Variants in TMEM242 observed in about 807,000 individuals in gnomAD.
TMEM242 encodes UPF0463 transmembrane protein C6orf35.
In TMEM242, 10 loss-of-function variants were observed where a neutral mutation model predicts 18.2. The observed-to-expected ratio is 0.55, with a 90% confidence interval of 0.34 to 0.93. The LOEUF (loss-of-function observed/expected upper bound fraction) is 0.93. TMEM242 is among the 40% of genes least tolerant of loss of function. The pLI, the probability that TMEM242 is intolerant of heterozygous loss-of-function variation, is 0.02. For synonymous variants in TMEM242, 57 were observed against 69.9 expected (o/e 0.81, Z 0.92); for missense variants, 186 against 175.5 (o/e 1.06, Z -0.34).
chr6:157,313,403 A>AGTGTCC (rs1778270570), intron 3 of TMEM242, among the ~76,000 whole-genome samples: 1 of 2,896 alleles, frequency 3.5e-4, no homozygotes, highest in African/African-American at 1.6e-3. Context: ...GGGCCTTATT[A>AGTGTCC]CAGTGTCCAG....
intron 3 of TMEM242, among the ~76,000 whole-genome samples, chr6:157,313,326 G>T (rs200507887): frequency 1.2e-3 from 9 of 7,630 alleles, no homozygotes; most frequent in African/African-American, 1.9e-3. Flanking sequence ...GCGCTCACCT[G>T]GCCTCATCAT....
At chr6:157,318,540 G>C (rs1449193817) in intron 3 of TMEM242, 2 of 517,408 alleles carry the variant, frequency 3.9e-6, no homozygotes, top group Admixed American at 3.8e-5. Context: ...AATTTATATA[G>C]AACATTAGCT....
chr6:157,312,560 C>G (rs1583569351), intron 3 of TMEM242, among the ~76,000 whole-genome samples: 1 of 150,646 alleles, frequency 6.6e-6, no homozygotes, highest in African/African-American at 2.4e-5. Flanking sequence ...ATCATAGTGC[C>G]CCAGTGTACG....
intron 3 of TMEM242, chr6:157,299,958 C>T (rs1777804544): frequency 1.3e-6 from 2 of 1,568,934 alleles, no homozygotes; most frequent in Non-Finnish European, 8.8e-7. Flanking sequence ...CTGTGATGAG[C>T]GGGCTCCTCG....
chr6:157,319,223 A>T (rs1428955523), intron 2 of TMEM242, among the ~76,000 whole-genome samples: 2 of 152,154 alleles, frequency 1.3e-5, no homozygotes, highest in Admixed American at 1.3e-4. Context: ...TATTAAAATA[A>T]CTCAGTTATT....
At chr6:157,313,863 TC>T (rs1778310952) in intron 3 of TMEM242, among the ~76,000 whole-genome samples, 1 of 149,982 alleles carries the variant, frequency 6.7e-6, no homozygotes, top group Non-Finnish European at 1.5e-5. Context: ...CAGTGTGCAC[TC>T]CCCTAGCCTC....
chr6:157,293,597 G>A lies in TMEM242; in HGVS notation c.328-598C>T, dbSNP rs144241056. Among the ~76,000 whole-genome samples the A allele has an allele frequency of 1.6e-4, 25 of 151,622 alleles. No homozygotes were observed. The East Asian group carries it at 4.3e-3, about 26-fold the overall frequency. The stretch of plus-strand genomic sequence containing the variant: ...CAGACAGAAGAAACTTAGGAGTTTC[G>A]TCAAGAATAAATCAAGGAATGGTAG... On this transcript the variant is annotated intron_variant, in intron 3 of 3. Coordinates refer to ENST00000400788, the MANE Select transcript of TMEM242 (RefSeq NM_018452.6).
intron 2 of TMEM242, among the ~76,000 whole-genome samples, chr6:157,321,114 T>A (rs1156942279): frequency 6.6e-6 from 1 of 150,716 alleles, no homozygotes; most frequent in Non-Finnish European, 1.5e-5. Context: ...GTTCACGCCA[T>A]TCTCCTGCCT....
intron 3 of TMEM242, among the ~76,000 whole-genome samples, chr6:157,295,785 G>A (rs1376857565): frequency 6.6e-6 from 1 of 152,174 alleles, no homozygotes; most frequent in Non-Finnish European, 1.5e-5. Flanking sequence ...GGCCTGAGAT[G>A]AGGGAAAGGA....
intron 3 of TMEM242, among the ~76,000 whole-genome samples, chr6:157,313,654 T>TCC: frequency 6.6e-6 from 1 of 151,344 alleles, no homozygotes; most frequent in African/African-American, 2.4e-5. Flanking sequence ...TGTCCCAGTG[T>TCC]GCATTCACCT....
Position 157,289,773 on chromosome 6 carries a change from T to A in TMEM242, c.*3128A>T, listed in dbSNP as rs189691626. On this transcript the variant is annotated 3_prime_UTR_variant, in exon 4 of 4. Coordinates refer to ENST00000400788, the MANE Select transcript of TMEM242 (RefSeq NM_018452.6). ...TGCAAGTTTGGTCCCATACTATCCATGAAACTAAACAAAACATGTGACAGC... is the reference window on the plus strand; with the variant it reads ...TGCAAGTTTGGTCCCATACTATCCAAGAAACTAAACAAAACATGTGACAGC... The A allele has an allele frequency of 6.9e-6, 1 of 144,504 alleles. No individual in the cohort carries two copies. Among genetic ancestry groups the A allele is most frequent in the African/African-American group, 2.5e-5 (1 of 40,068 alleles). 9.0% of individuals were successfully genotyped at this position (144,504 alleles called of 1,614,324 possible). A position where few individuals can be genotyped will look rare whatever the true frequency, so the allele number is the denominator to read the frequency against.
chr6:157,310,337 G>A (rs938285484), intron 3 of TMEM242, among the ~76,000 whole-genome samples: 15 of 5,610 alleles, frequency 2.7e-3, no homozygotes, highest in African/African-American at 8.8e-3. Context: ...TAAACTATCT[G>A]TCTTGATAAA....
At chr6:157,295,147 T>C (rs1177201586) in intron 3 of TMEM242, among the ~76,000 whole-genome samples, 1 of 152,270 alleles carries the variant, frequency 6.6e-6, no homozygotes, top group Admixed American at 6.5e-5. Context: ...TTAGTTTACA[T>C]ATTCTGTCAC....
chr6:157,312,806 G>A (rs1193494217), intron 3 of TMEM242, among the ~76,000 whole-genome samples: 1 of 86,060 alleles, frequency 1.2e-5, no homozygotes, highest in Non-Finnish European at 2.4e-5. Flanking sequence ...GCCCCAGTGT[G>A]AACTCAACTA....
At chr6:157,319,043 G>A in intron 2 of TMEM242, 124 bp from the exon 3 acceptor site, 1 of 994,298 alleles carries the variant, frequency 1.0e-6, no homozygotes, top group Non-Finnish European at 1.4e-6. Context: ...TCAACCCAAG[G>A]TCTAATTCTG....
intron 3 of TMEM242, among the ~76,000 whole-genome samples, chr6:157,312,106 CT>C (rs1778154950): frequency 5.1e-5 from 5 of 98,616 alleles, no homozygotes; most frequent in Non-Finnish European, 8.2e-5. Context: ...GTCCCCTCAC[CT>C]AGCCTCATCA....
At chr6:157,310,644 G>A (rs1554248368) in intron 3 of TMEM242, among the ~76,000 whole-genome samples, 2 of 152,072 alleles carry the variant, frequency 1.3e-5, no homozygotes, top group African/African-American at 2.4e-5. Flanking sequence ...GTGTCCCAGT[G>A]TTCGCTCACC....
intron 3 of TMEM242, among the ~76,000 whole-genome samples, chr6:157,313,364 T>G (rs1554249726): frequency 7.0e-6 from 1 of 141,860 alleles, no homozygotes; most frequent in African/African-American, 2.7e-5. Context: ...TCACCTGGCC[T>G]CATCATAGTG....
rs1554247881 is a variant in TMEM242, at chr6:157,305,862, G to A, written c.328-12863C>T. Among the ~76,000 whole-genome samples the A allele has an allele frequency of 1.3e-5, 2 of 152,178 alleles. No homozygotes were observed. Among genetic ancestry groups the A allele is most frequent in the African/African-American group, 4.8e-5 (2 of 41,438 alleles). On this transcript the variant is annotated intron_variant, in intron 3 of 3. Coordinates refer to ENST00000400788, the MANE Select transcript of TMEM242 (RefSeq NM_018452.6). The surrounding 1 kb of genome is among the most constrained non-coding windows in gnomAD (Gnocchi z 4.1). ...ACCTTAATAGCAGTTCCAGTGCAGC[G>A]CTGGGGCAAGGAGCTGGACTGAGAG...
Sources: gnomAD v4.1 joint callset for allele counts (sites outside exome capture counted in the v4.1 genomes callset) on GRCh38, gnomAD v4.1.1 for gene constraint, Gnocchi (gnomAD v3.1) non-coding constraint, MANE v1.5 for transcripts, NCBI Gene and HGNC (gene_info 2026-07-23, HGNC 2026-07-21) for gene names.